Variants in TMEM45B observed in about 807,000 individuals in gnomAD.
TMEM45B encodes the protein transmembrane protein 45B.
TMEM45B carries 29 observed loss-of-function variants against 27.3 expected under a neutral mutation model. The ratio of observed to expected loss-of-function variants is 1.06; its 90% CI spans 0.79 to 1.45. The LOEUF (loss-of-function observed/expected upper bound fraction) is 1.45. Ranked by LOEUF, TMEM45B falls within the 40% of genes most tolerant of loss-of-function variation. The pLI is 0.00. For synonymous variants in TMEM45B, 143 were observed against 134.7 expected (o/e 1.06, Z -0.43); for missense variants, 348 against 343.9 (o/e 1.01, Z -0.09).
At chr11:129,821,354 A>C (rs1479326043) in intron 1 of TMEM45B, among the ~76,000 whole-genome samples, 1 of 152,158 alleles carries the variant, frequency 6.6e-6, no homozygotes, top group African/African-American at 2.4e-5. Context: ...TTCCAAGCAC[A>C]TCTGAAAAGA....
intron 1 of TMEM45B, among the ~76,000 whole-genome samples, chr11:129,838,089 T>C (rs1947646801): frequency 6.6e-6 from 1 of 152,162 alleles, no homozygotes; most frequent in South Asian, 2.1e-4. Context: ...GCCCCCAGGC[T>C]AGTCTTAAAG....
At chr11:129,837,132 G>A (rs1210821233) in intron 1 of TMEM45B, among the ~76,000 whole-genome samples, 1 of 152,052 alleles carries the variant, frequency 6.6e-6, no homozygotes, top group African/African-American at 2.4e-5. Flanking sequence ...GAAGGGAGAA[G>A]AGAACAGGCT....
chr11:129,857,592 C>T, intron 5 of TMEM45B, 134 bp downstream of exon 5: 2 of 976,896 alleles, frequency 2.0e-6, no homozygotes, highest in South Asian at 3.4e-5. Context: ...GAAGGTATCA[C>T]TACCCTTATT....
intron 1 of TMEM45B, among the ~76,000 whole-genome samples, chr11:129,827,498 C>T (rs922435164): frequency 6.6e-6 from 1 of 151,860 alleles, no homozygotes; most frequent in South Asian, 2.1e-4. Flanking sequence ...ACACGGAAAA[C>T]ATGCATTAAA....
chr11:129,850,171 T>C (rs1202753780), intron 1 of TMEM45B, among the ~76,000 whole-genome samples: 2 of 151,830 alleles, frequency 1.3e-5, no homozygotes, highest in Non-Finnish European at 2.9e-5. Context: ...GTTGATGTTG[T>C]TGTTGTTTTT....
chr11:129,852,752 A>G lies in TMEM45B; in HGVS notation c.178+92A>G. The G allele has an allele frequency of 2.2e-6, 3 of 1,389,808 alleles. No homozygotes were observed. In the South Asian group the frequency reaches 4.3e-5, roughly 20 times the overall value. 86.1% of individuals were successfully genotyped at this position (1,389,808 alleles called of 1,614,324 possible). On this transcript the variant is annotated intron_variant, in intron 2 of 5. Coordinates refer to ENST00000281441, the MANE Select transcript of TMEM45B (RefSeq NM_138788.5). ...TGAGCCCTGTGAAATAGATGTTCCC[A>G]CTGGCAGAGATAATAGGGCAACAAT...
chr11:129,816,042 G>A, intron 1 of TMEM45B, 144 bp downstream of exon 1: 1 of 1,191,472 alleles, frequency 8.4e-7, no homozygotes, highest in Non-Finnish European at 1.1e-6. Flanking sequence ...ACAGGGAGGG[G>A]CTCTGGGACA....
chr11:129,823,536 G>A (rs182034398), intron 1 of TMEM45B, among the ~76,000 whole-genome samples: 7 of 152,312 alleles, frequency 4.6e-5, no homozygotes, highest in Middle Eastern at 3.4e-3. Context: ...CTTGATAAAT[G>A]TTAGTTGACT....
chr11:129,826,358 G>T (rs1362142866), intron 1 of TMEM45B, among the ~76,000 whole-genome samples: 1 of 151,740 alleles, frequency 6.6e-6, no homozygotes, highest in African/African-American at 2.4e-5. Flanking sequence ...GACCATCCTG[G>T]CTAACACAGT....
At chr11:129,856,112 C>G (rs1947920895) in intron 4 of TMEM45B, among the ~76,000 whole-genome samples, 1 of 152,174 alleles carries the variant, frequency 6.6e-6, no homozygotes, top group Non-Finnish European at 1.5e-5. Flanking sequence ...AAATTTAAAG[C>G]ATGCACGGTG....
intron 1 of TMEM45B, among the ~76,000 whole-genome samples, chr11:129,842,132 A>C (rs1182364198): frequency 6.6e-6 from 1 of 152,234 alleles, no homozygotes; most frequent in East Asian, 1.9e-4. Flanking sequence ...TTCGAAAAAC[A>C]GAAAGAAAAA....
At position 129,815,900 on chromosome 11, in the gene TMEM45B, T is replaced by A; in HGVS notation, c.-9+2T>A. 1 of 1,281,734 alleles carries A rather than the reference T, an allele frequency of 7.8e-7. No individual in the cohort carries two copies. Among genetic ancestry groups the A allele is most frequent in the Non-Finnish European group, 9.8e-7 (1 of 1,020,468 alleles). The allele number at this position is 1,281,734 out of a possible 1,614,324, so 79.4% of individuals were successfully genotyped here. On this transcript the variant is annotated splice_donor_variant, in intron 1 of 5. Transcript: ENST00000281441. LOFTEE classifies it low-confidence loss of function (5UTR_SPLICE). Reference sequence around the variant, plus strand: ...ACGGCTGCGAGGCGCTGGGCACAGGTCAGACGTCCGTACCCGCAGGGGGCT... The same window carrying A: ...ACGGCTGCGAGGCGCTGGGCACAGGACAGACGTCCGTACCCGCAGGGGGCT...
chr11:129,826,107 G>T (rs1311089850), intron 1 of TMEM45B, among the ~76,000 whole-genome samples: 14 of 151,850 alleles, frequency 9.2e-5, no homozygotes, highest in Admixed American at 3.3e-4. Context: ...AATAGCCATA[G>T]CCTTAGTTTC....
intron 1 of TMEM45B, among the ~76,000 whole-genome samples, chr11:129,832,814 CA>C (rs1283175927): frequency 6.6e-6 from 1 of 152,040 alleles, no homozygotes; most frequent in East Asian, 1.9e-4. Context: ...GGGTGACTTT[CA>C]GAGCCATCAG....
intron 1 of TMEM45B, among the ~76,000 whole-genome samples, chr11:129,851,373 G>A (rs576530689): frequency 1.5e-4 from 22 of 151,058 alleles, no homozygotes; most frequent in African/African-American, 4.9e-4. Context: ...GTGAAACCCC[G>A]TCTCTACTAA....
chr11:129,855,353 T>C lies in TMEM45B; in HGVS notation c.386-355T>C, dbSNP rs1591453511. On this transcript the variant is annotated intron_variant, in intron 3 of 5. Transcript: ENST00000281441. Reference sequence around the variant, plus strand: ...ACTGACTGGGGTATGAAAATACATTTTGTCATCTAACAACCTCACTTCTGT... The same window carrying C: ...ACTGACTGGGGTATGAAAATACATTCTGTCATCTAACAACCTCACTTCTGT... Among the ~76,000 whole-genome samples the C allele has an allele frequency of 4.0e-5, 6 of 151,778 alleles. 1 individual carries two copies. In the South Asian group the frequency reaches 1.2e-3, roughly 31 times the overall value.
At chr11:129,851,262 G>T (rs145016268) in intron 1 of TMEM45B, among the ~76,000 whole-genome samples, 1 of 152,072 alleles carries the variant, frequency 6.6e-6, no homozygotes, top group African/African-American at 2.4e-5. Flanking sequence ...TCCTCTTCTC[G>T]GCCGGGTGTG....
At chr11:129,854,093 G>T (rs1043532769) in intron 2 of TMEM45B, among the ~76,000 whole-genome samples, 1 of 152,162 alleles carries the variant, frequency 6.6e-6, no homozygotes, top group Non-Finnish European at 1.5e-5. Flanking sequence ...GGAAGGACAC[G>T]CACTCAAAAT....
Position 129,852,667 on chromosome 11 carries a change from G to C in TMEM45B, c.178+7G>C, listed in dbSNP as rs777201777. 6.3e-7 allele frequency: 1 copy of C among 1,594,872 alleles called. No individual in the cohort carries two copies. The highest frequency in any genetic ancestry group is 2.3e-5 in the East Asian group (1 of 44,272). On this transcript the variant is annotated splice_region_variant and intron_variant, in intron 2 of 5. Transcript: ENST00000281441. ...ACTTTGTTTTCCGTCACTGGTAAGA[G>C]CAGGGGTCATTTGGTCTAGGGAATC...
Sources: gnomAD v4.1 joint callset for allele counts (sites outside exome capture counted in the v4.1 genomes callset) on GRCh38, gnomAD v4.1.1 for gene constraint, MANE v1.5 for transcripts, NCBI Gene and HGNC (gene_info 2026-07-23, HGNC 2026-07-21) for gene names.